The following EP400 variants were observed in gnomAD, a reference collection of about 807,000 sequenced individuals.
EP400 encodes the protein E1A-binding protein p400.
Under a neutral mutation model 354.1 loss-of-function variants are expected in EP400, and 105 were observed. That is an observed-to-expected ratio of 0.30 (90% CI 0.25 to 0.35). EP400 has a LOEUF of 0.35. Ranked by LOEUF, EP400 falls within the 10% of genes least tolerant of loss-of-function variation. The pLI is 1.00. For synonymous variants in EP400, 1,646 were observed against 1,716.9 expected, an observed-to-expected ratio of 0.96 and a Z score of 1.02; for missense variants, 3,280 against 4,121.0, an observed-to-expected ratio of 0.80 and a Z score of 5.59.
At chr12:132,043,786 T>A in intron 34 of EP400, 58 bp downstream of exon 34, 2 of 1,458,038 alleles carry the variant, frequency 1.4e-6, no homozygotes, top group Non-Finnish European at 1.9e-6. Context: ...AGAGTTAAGT[T>A]TGATTTGAAG....
intron 37 of EP400, 137 bp downstream of exon 37, chr12:132,045,090 T>G (rs1895045731): frequency 7.2e-7 from 1 of 1,381,454 alleles, no homozygotes; most frequent in Admixed American, 2.4e-5. Context: ...GCCCATCCGC[T>G]GCCTCTCAGG....
intron 12 of EP400, among the ~76,000 whole-genome samples, chr12:131,996,233 G>C (rs961926813): frequency 1.3e-5 from 2 of 152,032 alleles, no homozygotes; most frequent in African/African-American, 4.8e-5. Context: ...CTGTGCTCAG[G>C]GGCAGGAGAG....
Position 132,029,835 on chromosome 12 carries a change from A to G in EP400, c.5516A>G (p.Gln1839Arg), listed in dbSNP as rs764418023. Residue 1839 changes from glutamine to arginine, a missense_variant, in exon 28 of 53, where the codon CAG (glutamine) becomes CGG (arginine). By Grantham distance (43) the Gln-to-Arg change is conservative. Coordinates refer to ENST00000389561, the MANE Select transcript of EP400 (RefSeq NM_015409.5). The surrounding 1 kb of genome is among the most constrained non-coding windows in gnomAD (Gnocchi z 4.7). ...LREHAAPYFQ[Q>R]LRQTTAPRLL... ...GAGCACGCTGCGCCGTACTTCCAGCAGCTGCGGCAGACCACGGCTCCACGC... is the reference window on the plus strand; with the variant it reads ...GAGCACGCTGCGCCGTACTTCCAGCGGCTGCGGCAGACCACGGCTCCACGC... The G allele has an allele frequency of 6.8e-6, 11 of 1,613,132 alleles. No homozygotes were observed. The highest frequency in any genetic ancestry group is 1.6e-4 in the Middle Eastern group (1 of 6,072).
intron 47 of EP400, among the ~76,000 whole-genome samples, chr12:132,063,206 A>G (rs1472578330): frequency 1.3e-5 from 2 of 152,206 alleles, no homozygotes; most frequent in Non-Finnish European, 2.9e-5. Context: ...TTATGTAAAT[A>G]TATTCATTTT....
In EP400 at chr12:132,058,728, C is replaced by T. The variant is rs368968933; in HGVS notation, c.7885-3382C>T. Reference sequence around the variant, plus strand: ...CAGAGAGAAGTTCTAGGAAAATTAACGTGCTCCTACGTATGTAGAATTGAT... The same window carrying T: ...CAGAGAGAAGTTCTAGGAAAATTAATGTGCTCCTACGTATGTAGAATTGAT... On this transcript the variant is annotated intron_variant, in intron 45 of 52. Coordinates refer to ENST00000389561, the MANE Select transcript of EP400 (RefSeq NM_015409.5). Among the ~76,000 whole-genome samples the T allele has an allele frequency of 3.3e-5, 5 of 151,940 alleles. No homozygotes were observed. In the East Asian group the frequency reaches 7.7e-4, roughly 23 times the overall value.
intron 23 of EP400, 106 bp from the exon 24 acceptor site, chr12:132,023,671 A>G (rs1416025351): frequency 1.0e-6 from 1 of 980,630 alleles, no homozygotes; most frequent in Non-Finnish European, 1.5e-6. Context: ...GTGGTGCTTC[A>G]GTTTATGATA....
At chr12:132,071,593 G>T (rs1370919031) in intron 51 of EP400, among the ~76,000 whole-genome samples, 1 of 152,084 alleles carries the variant, frequency 6.6e-6, no homozygotes, top group Non-Finnish European at 1.5e-5. Flanking sequence ...CTCCTCCTCC[G>T]CACCCTTCCC....
intron 6 of EP400, among the ~76,000 whole-genome samples, chr12:131,987,465 T>C (rs1282809157): frequency 6.6e-6 from 1 of 152,214 alleles, no homozygotes; most frequent in Non-Finnish European, 1.5e-5. Context: ...GGCAGGACTA[T>C]TGCTCCAGCT....
chr12:131,962,394 A>G (rs796383847), intron 2 of EP400, among the ~76,000 whole-genome samples: 5 of 152,280 alleles, frequency 3.3e-5, no homozygotes, highest in African/African-American at 1.2e-4. Flanking sequence ...TTTTACTCGT[A>G]TAGATCTCCT....
At chr12:131,952,703 C>CA (rs1230367546) in intron 1 of EP400, among the ~76,000 whole-genome samples, 1 of 152,178 alleles carries the variant, frequency 6.6e-6, no homozygotes, top group Admixed American at 6.6e-5. Context: ...CCTCTGGTCT[C>CA]AGTCTCCCAC....
chr12:131,958,967 G>A (rs1394563851), intron 1 of EP400, among the ~76,000 whole-genome samples: 2 of 152,246 alleles, frequency 1.3e-5, no homozygotes, highest in African/African-American at 4.8e-5. Context: ...TGTCCAGCCA[G>A]GGTTGAGGTG....
chr12:131,950,988 C>G (rs1323070550), intron 1 of EP400, among the ~76,000 whole-genome samples: 1 of 152,118 alleles, frequency 6.6e-6, no homozygotes, highest in African/African-American at 2.4e-5. Context: ...CAACCTCCGC[C>G]TCCCAGGTTC....
chr12:131,980,068 A>C (rs1340012793), intron 3 of EP400, among the ~76,000 whole-genome samples: 1 of 152,238 alleles, frequency 6.6e-6, no homozygotes, highest in Non-Finnish European at 1.5e-5. Flanking sequence ...GATTAAACAC[A>C]AAATCATCTG....
intron 51 of EP400, 120 bp from the exon 52 acceptor site, chr12:132,076,396 T>C (rs1005873911): frequency 8.0e-6 from 8 of 1,002,738 alleles, no homozygotes; most frequent in Middle Eastern, 2.0e-4. Flanking sequence ...AGAATTGCTC[T>C]TCTGTGTCAC....
At chr12:132,057,277 G>A (rs1247517203) in intron 45 of EP400, among the ~76,000 whole-genome samples, 1 of 152,230 alleles carries the variant, frequency 6.6e-6, no homozygotes, top group Non-Finnish European at 1.5e-5. Context: ...TTCAGCTGGT[G>A]AATGGGCTGA....
intron 7 of EP400, among the ~76,000 whole-genome samples, chr12:131,989,510 G>A (rs1221826208): frequency 6.6e-6 from 1 of 152,180 alleles, no homozygotes; most frequent in Non-Finnish European, 1.5e-5. Flanking sequence ...TCTGTTGGTG[G>A]GTATGTGAAG....
At position 132,050,509 on chromosome 12, in the gene EP400, C is replaced by T. The variant is rs201244457; in HGVS notation, c.7337+50C>T. ...ATGTTCATTATGACTGAGTAGATTG[C>T]GTGAAGCTTGGTTTTGATGTGTTTT... On this transcript the variant is annotated intron_variant, in intron 40 of 52. Coordinates refer to ENST00000389561, the MANE Select transcript of EP400 (RefSeq NM_015409.5). The surrounding 1 kb of genome is among the most constrained non-coding windows in gnomAD (Gnocchi z 4.8). The T allele has an allele frequency of 1.1e-5, 17 of 1,612,722 alleles. No homozygotes were observed. The highest frequency in any genetic ancestry group is 6.6e-5 in the South Asian group (6 of 91,046).
chr12:131,998,664 CTT>C (rs1431940609), intron 12 of EP400, among the ~76,000 whole-genome samples: 5 of 139,228 alleles, frequency 3.6e-5, no homozygotes, highest in African/African-American at 1.3e-4. Context: ...TATACAAAGA[CTT>C]TGTATACAGT....
Position 132,052,867 on chromosome 12 carries a change from G to A in EP400, c.7395-279G>A, listed in dbSNP as rs1386748770. Among the ~76,000 whole-genome samples, 1 of 152,134 alleles carries A rather than the reference G, an allele frequency of 6.6e-6. No homozygotes were observed. The highest frequency in any genetic ancestry group is 2.4e-5 in the African/African-American group (1 of 41,434). On this transcript the variant is annotated intron_variant, in intron 41 of 52. Transcript: ENST00000389561. This position sits in a 1 kb window ranked among gnomAD's most constrained non-coding sequence, Gnocchi z 4.4. ...TGCAGACACATGAGGTGGGCTGTGC[G>A]TTTGGGGGCTGCCACAAGTACGCTG...
Sources: gnomAD v4.1 joint callset for allele counts (sites outside exome capture counted in the v4.1 genomes callset) on GRCh38, gnomAD v4.1.1 for gene constraint, Gnocchi (gnomAD v3.1) non-coding constraint, MANE v1.5 for transcripts, NCBI Gene and HGNC (gene_info 2026-07-23, HGNC 2026-07-21) for gene names.